Variants in GLIPR1L2 observed in about 807,000 individuals in gnomAD.
The protein encoded by GLIPR1L2 is GLIPR1 like 2, also known as GLIPR1-like protein 2.
In GLIPR1L2, 21 loss-of-function variants were observed where a neutral mutation model predicts 28.4. That is an observed-to-expected ratio of 0.74 (90% CI 0.52 to 1.06). The LOEUF (loss-of-function observed/expected upper bound fraction) is 1.06, where lower values mean the gene tolerates loss of function less well. Ranked by LOEUF, GLIPR1L2 falls within the 50% of genes least tolerant of loss-of-function variation. The probability of loss-of-function intolerance (pLI) is 0.00; values close to 1 mark genes in which losing one functional copy is unlikely to be tolerated. For missense variants in GLIPR1L2, 476 were observed against 416.9 expected, an observed-to-expected ratio of 1.14 and a Z score of -1.23; for synonymous variants, 145 against 139.3, an observed-to-expected ratio of 1.04 and a Z score of -0.29.
intron 1 of GLIPR1L2, among the ~76,000 whole-genome samples, chr12:75,404,755 G>A (rs1336353223): frequency 6.6e-6 from 1 of 151,876 alleles, no homozygotes; most frequent in Non-Finnish European, 1.5e-5. Context: ...ACATGCATGT[G>A]CCATAAGAAT....
chr12:75,410,084 T>C (rs2045849879), intron 1 of GLIPR1L2, among the ~76,000 whole-genome samples: 1 of 151,736 alleles, frequency 6.6e-6, no homozygotes, highest in Admixed American at 6.6e-5. Context: ...TAGATTGTTG[T>C]ATTTCTGTGT....
chr12:75,413,202 G>T (rs1433617615), intron 2 of GLIPR1L2, among the ~76,000 whole-genome samples: 1 of 151,230 alleles, frequency 6.6e-6, no homozygotes, highest in Non-Finnish European at 1.5e-5. Context: ...TTGTGGGGTG[G>T]GGGGAAGGGG....
chr12:75,403,090 G>A (rs1352982661), intron 1 of GLIPR1L2: 1 of 457,062 alleles, frequency 2.2e-6, no homozygotes, highest in Non-Finnish European at 4.4e-6. Flanking sequence ...AGGACTCCAA[G>A]TGCACCCCTT....
At chr12:75,401,771 A>G (rs1049223228) in intron 1 of GLIPR1L2, among the ~76,000 whole-genome samples, 2 of 152,068 alleles carry the variant, frequency 1.3e-5, no homozygotes, top group East Asian at 3.8e-4. Flanking sequence ...TCTTCAGATC[A>G]AGAACAAAAA....
At chr12:75,425,604 A>G (rs1472127408) in intron 4 of GLIPR1L2, among the ~76,000 whole-genome samples, 2 of 152,216 alleles carry the variant, frequency 1.3e-5, no homozygotes, top group African/African-American at 4.8e-5. Context: ...GCATAAACAT[A>G]TTCCAAATAT....
At position 75,410,481 on chromosome 12, in the gene GLIPR1L2, ATGTT is replaced by A. The variant is rs2045854749; in HGVS notation, c.288_291del (p.Phe97ArgfsTer101). The A allele has an allele frequency of 6.2e-7, 1 of 1,609,844 alleles. No homozygotes were observed. Among genetic ancestry groups the A allele is most frequent in the Non-Finnish European group, 8.5e-7 (1 of 1,177,608 alleles). ...GGACTGCTAGAGCATGGGGAAAAAA[ATGTT>A]TGTTTACGCATAATATTTATTTACA... On this transcript the variant is annotated frameshift_variant, in exon 2 of 6. Coordinates refer to ENST00000550916, the MANE Select transcript of GLIPR1L2 (RefSeq NM_001270396.2). LOFTEE classifies it high-confidence loss of function.
chr12:75,413,601 G>C lies in GLIPR1L2; in HGVS notation c.484G>C (p.Val162Leu). 6.5e-7 allele frequency: 1 copy of C among 1,537,780 alleles called. No homozygotes were observed. Among genetic ancestry groups the C allele is most frequent in the Non-Finnish European group, 8.7e-7 (1 of 1,143,596 alleles). The change falls in exon 3 of 6, where the codon GTT becomes CTT. Residue 162 changes from valine (V) to leucine (L), a missense_variant. Physicochemically the swap from Val to Leu is conservative, Grantham distance 32. Coordinates refer to ENST00000550916, the MANE Select transcript of GLIPR1L2 (RefSeq NM_001270396.2). ...TTTCTTGAAAATTTTATTTTAGCTT[G>C]TTTGGGACCACTCTTACAAAGTTGG... ...SGDCSNYIQL[V>L]WDHSYKVGCA...
intron 3 of GLIPR1L2, among the ~76,000 whole-genome samples, chr12:75,414,647 G>A (rs908525894): frequency 5.3e-5 from 8 of 152,084 alleles, no homozygotes; most frequent in Non-Finnish European, 8.8e-5. Flanking sequence ...AAACATTTTA[G>A]GTGTCCTTTC....
At position 75,432,625 on chromosome 12, in the gene GLIPR1L2, A is replaced by C. The variant is rs948452496; in HGVS notation, c.*1464A>C. ...CTTTAGTTGTATCAATATTCTGTTA[A>C]AAACCTGTTCGAAGTAGGGCAAGAT... is the stretch of plus-strand genomic sequence containing the variant. On this transcript the variant is annotated 3_prime_UTR_variant, in exon 6 of 6. Coordinates refer to ENST00000550916, the MANE Select transcript of GLIPR1L2 (RefSeq NM_001270396.2). 1 of 152,070 alleles carries C rather than the reference A, an allele frequency of 6.6e-6. No individual in the cohort carries two copies. Among genetic ancestry groups the C allele is most frequent in the Non-Finnish European group, 1.5e-5 (1 of 67,988 alleles). The allele number at this position is 152,070 out of a possible 1,614,324, so 9.4% of individuals were successfully genotyped here. A position where few individuals can be genotyped will look rare whatever the true frequency, so the allele number is the denominator to read the frequency against.
intron 2 of GLIPR1L2, among the ~76,000 whole-genome samples, chr12:75,411,665 T>C (rs1288115290): frequency 6.6e-6 from 1 of 151,964 alleles, no homozygotes; most frequent in Non-Finnish European, 1.5e-5. Flanking sequence ...CTAGACCTTT[T>C]CGTTTCCTGC....
At chr12:75,411,231 T>C (rs2139943647) in intron 2 of GLIPR1L2, among the ~76,000 whole-genome samples, 1 of 152,016 alleles carries the variant, frequency 6.6e-6, no homozygotes, top group East Asian at 1.9e-4. Flanking sequence ...ATATGTCTGA[T>C]ACTACACTGA....
intron 1 of GLIPR1L2, among the ~76,000 whole-genome samples, chr12:75,392,500 T>C (rs1337464851): frequency 6.6e-6 from 1 of 152,234 alleles, no homozygotes; most frequent in Non-Finnish European, 1.5e-5. Flanking sequence ...TGCTGTCTTA[T>C]AGAACTATGC....
chr12:75,421,056 T>C (rs931511966), intron 3 of GLIPR1L2, among the ~76,000 whole-genome samples: 1 of 152,198 alleles, frequency 6.6e-6, no homozygotes, highest in Non-Finnish European at 1.5e-5. Flanking sequence ...AGTGAGTAGC[T>C]TTTTACTTAG....
chr12:75,428,088 G>A (rs563726481), intron 4 of GLIPR1L2, among the ~76,000 whole-genome samples: 16 of 152,282 alleles, frequency 1.1e-4, no homozygotes, highest in African/African-American at 3.9e-4. Context: ...CCATTTGGAG[G>A]GCTCAGAAGA....
At chr12:75,405,555 T>C (rs895012941) in intron 1 of GLIPR1L2, among the ~76,000 whole-genome samples, 1 of 152,114 alleles carries the variant, frequency 6.6e-6, no homozygotes, top group African/African-American at 2.4e-5. Flanking sequence ...TTATTACTAA[T>C]AGGCTTCAGA....
chr12:75,416,694 G>T (rs2045926745), intron 3 of GLIPR1L2, among the ~76,000 whole-genome samples: 5 of 152,068 alleles, frequency 3.3e-5, no homozygotes, highest in Admixed American at 3.3e-4. Flanking sequence ...GAGTACAGGG[G>T]TCTCAGATGA....
intron 1 of GLIPR1L2, among the ~76,000 whole-genome samples, chr12:75,394,603 A>G (rs961358564): frequency 1.2e-4 from 18 of 151,978 alleles, no homozygotes; most frequent in African/African-American, 3.6e-4. Context: ...ATATGTCTGT[A>G]TGCTATTAAT....
chr12:75,426,282 G>A (rs183857865), intron 4 of GLIPR1L2, among the ~76,000 whole-genome samples: 2 of 152,282 alleles, frequency 1.3e-5, no homozygotes, highest in East Asian at 3.9e-4. Flanking sequence ...AAGTTTAACA[G>A]TCTGGGTTGA....
intron 3 of GLIPR1L2, among the ~76,000 whole-genome samples, chr12:75,420,671 CTAT>C (rs1566076008): frequency 6.6e-6 from 1 of 152,166 alleles, no homozygotes; most frequent in Non-Finnish European, 1.5e-5. Flanking sequence ...AGATAGTTAC[CTAT>C]TATTTCCTCC....
Sources: gnomAD v4.1 joint callset for allele counts (sites outside exome capture counted in the v4.1 genomes callset) on GRCh38, gnomAD v4.1.1 for gene constraint, MANE v1.5 for transcripts, NCBI Gene and HGNC (gene_info 2026-07-23, HGNC 2026-07-21) for gene names.